Variants in ADA2 observed in about 807,000 individuals in gnomAD.
ADA2 encodes adenosine deaminase 2.
Under a neutral mutation model 44.2 loss-of-function variants are expected in ADA2, and 29 were observed. The ratio of observed to expected loss-of-function variants is 0.66; its 90% CI spans 0.49 to 0.89. The LOEUF is 0.89. ADA2 is among the 40% of genes least tolerant of loss of function. The pLI, the probability that ADA2 is intolerant of heterozygous loss-of-function variation, is 0.00. For missense variants in ADA2, 637 were observed against 644.8 expected, an observed-to-expected ratio of 0.99 and a Z score of 0.13; for synonymous variants, 215 against 234.9, an observed-to-expected ratio of 0.92 and a Z score of 0.77.
At position 17,207,058 on chromosome 22, in the gene ADA2, AACTACT is replaced by A; in HGVS notation, c.542+7_542+12del. 9 of 1,606,036 alleles carry A rather than the reference AACTACT, an allele frequency of 5.6e-6. No homozygotes were observed. Among genetic ancestry groups the A allele is most frequent in the Middle Eastern group, 3.3e-4 (2 of 6,040 alleles). On this transcript the variant is annotated splice_region_variant and intron_variant, in intron 3 of 9. Coordinates refer to ENST00000399837, the MANE Select transcript of ADA2 (RefSeq NM_001282225.2). ...ACAGGCCTGGGACATGTGCTTTCTGAACTACTACTCACCTGTCATCAAACTCAGTGA... is the reference window on the plus strand; with the variant it reads ...ACAGGCCTGGGACATGTGCTTTCTGAACTCACCTGTCATCAAACTCAGTGA...
rs11703884 is a variant in ADA2, at chr22:17,181,701, C to G, written c.1442+119G>C. On this transcript the variant is annotated intron_variant, in intron 9 of 9. Coordinates refer to ENST00000399837, the MANE Select transcript of ADA2 (RefSeq NM_001282225.2). ...CAGGCCAGCAGCAAGGACTAAACAG[C>G]CATGATGAGAAGGAACCCACAGGAA... The G allele has an allele frequency of 0.27, 294,338 of 1,072,210 alleles. 43,956 individuals are homozygous for G. The highest frequency in any genetic ancestry group is 0.31 in the Non-Finnish European group (216,705 of 696,690). The allele number at this position is 1,072,210 out of a possible 1,614,324, so 66.4% of individuals were successfully genotyped here. A position where few individuals can be genotyped will look rare whatever the true frequency, so the allele number is the denominator to read the frequency against.
chr22:17,205,024 TC>T (rs1352188882), intron 3 of ADA2, among the ~76,000 whole-genome samples: 90 of 151,526 alleles, frequency 5.9e-4, no homozygotes, highest in African/African-American at 2.1e-3. Flanking sequence ...TTTCTTTCTT[TC>T]TTTTTTTTTT....
upstream of ADA2, among the ~76,000 whole-genome samples, chr22:17,221,430 C>T (rs1405732662): frequency 3.9e-5 from 6 of 152,220 alleles, no homozygotes; most frequent in East Asian, 1.2e-3. Context: ...AATGCTATCC[C>T]TCCCCCAGCC....
At chr22:17,221,089 G>A (rs2062519441), upstream of ADA2, among the ~76,000 whole-genome samples, 1 of 151,846 alleles carries the variant, frequency 6.6e-6, no homozygotes, top group Admixed American at 6.6e-5. Flanking sequence ...GTTGCAGTGA[G>A]CTGAGATTGC....
At chr22:17,191,935 C>G in intron 4 of ADA2, 125 bp from the exon 5 acceptor site, 1 of 948,156 alleles carries the variant, frequency 1.1e-6, no homozygotes, top group Non-Finnish European at 1.5e-6. Flanking sequence ...TCCCAGCCAC[C>G]CCTTCCCAGC....
rs188648032 is a variant in ADA2, at chr22:17,210,744, C to T, written c.-46-1021G>A. 2.4e-4 allele frequency among the ~76,000 whole-genome samples: 36 copies of T among 151,836 alleles called. No homozygotes were observed. The East Asian group carries it at 5.4e-3, about 23-fold the overall frequency. On this transcript the variant is annotated intron_variant, in intron 1 of 9. Coordinates refer to ENST00000399837, the MANE Select transcript of ADA2 (RefSeq NM_001282225.2). Reference sequence around the variant, plus strand: ...TCCCAAGTGGCTGGGACTACAGGCACGCGTCACCATACCCAGCTAATTTTT... The same window carrying T: ...TCCCAAGTGGCTGGGACTACAGGCATGCGTCACCATACCCAGCTAATTTTT...
chr22:17,216,471 T>C (rs1209158155), intron 1 of ADA2, among the ~76,000 whole-genome samples: 1 of 152,000 alleles, frequency 6.6e-6, no homozygotes, highest in Non-Finnish European at 1.5e-5. Context: ...TTATGTATAT[T>C]TCAGAGTAAC....
rs534101420 is a variant in ADA2 at position 17,200,438 on chromosome 22, C to G, written c.753+3125G>C. Among the ~76,000 whole-genome samples, 5 of 152,250 alleles carry G rather than the reference C, an allele frequency of 3.3e-5. No individual in the cohort carries two copies. The South Asian group carries it at 1.0e-3, about 32-fold the overall frequency. On this transcript the variant is annotated intron_variant, in intron 4 of 9. Transcript: ENST00000399837. ...CCACTGCAAGGCAAAGTTAATGTTC[C>G]CCTCCCACTTCTCAAGAACTCAGAA...
At position 17,212,101 on chromosome 22, in the gene ADA2, C is replaced by T. The variant is rs577063808; in HGVS notation, c.-46-2378G>A. 2.0e-4 allele frequency among the ~76,000 whole-genome samples: 30 copies of T among 151,748 alleles called. No individual in the cohort carries two copies. The East Asian group carries it at 3.5e-3, about 18-fold the overall frequency. ...GTACAATGGCGCGATCTCGGCTCAC[C>T]GTAACCTCCTCCTCCCAGGTTCAAG... is the stretch of plus-strand genomic sequence containing the variant. On this transcript the variant is annotated intron_variant, in intron 1 of 9. Coordinates refer to ENST00000399837, the MANE Select transcript of ADA2 (RefSeq NM_001282225.2).
At chr22:17,215,460 G>T (rs1427968550) in intron 1 of ADA2, among the ~76,000 whole-genome samples, 3 of 152,026 alleles carry the variant, frequency 2.0e-5, no homozygotes, top group Admixed American at 6.6e-5. Context: ...ACAAAAATTA[G>T]CTGAGCGTGG....
At chr22:17,204,794 CTTTTTT>C (rs535426763) in intron 3 of ADA2, among the ~76,000 whole-genome samples, 18 of 132,944 alleles carry the variant, frequency 1.4e-4, no homozygotes, top group African/African-American at 4.8e-4. Context: ...TCAATTCCTT[CTTTTTT>C]TTTTTTTTTT....
chr22:17,189,810 G>A, intron 6 of ADA2, 132 bp downstream of exon 6: 1 of 661,252 alleles, frequency 1.5e-6, no homozygotes, highest in South Asian at 1.7e-5. Flanking sequence ...TCAGCAGCCT[G>A]AGCCTGCCCT....
chr22:17,195,563 A>T (rs2062180136), intron 4 of ADA2, among the ~76,000 whole-genome samples: 1 of 151,752 alleles, frequency 6.6e-6, no homozygotes, highest in Non-Finnish European at 1.5e-5. Flanking sequence ...AAATTTTTTT[A>T]AACTTTTATT....
At chr22:17,201,408 C>T (rs1391562321) in intron 4 of ADA2, among the ~76,000 whole-genome samples, 1 of 152,158 alleles carries the variant, frequency 6.6e-6, no homozygotes, top group Non-Finnish European at 1.5e-5. Flanking sequence ...TAAAAGCCTA[C>T]AGAATATGCT....
In ADA2 at chr22:17,217,325, G is replaced by C. The variant is rs1334408619; in HGVS notation, c.-47+2031C>G. ...TGACAGTCTTTAGATTGAGTACCTTGCACAGCACAGTCAATCATTCTGTGG... is the reference window on the plus strand; with the variant it reads ...TGACAGTCTTTAGATTGAGTACCTTCCACAGCACAGTCAATCATTCTGTGG... On this transcript the variant is annotated intron_variant, in intron 1 of 9. Coordinates refer to ENST00000399837, the MANE Select transcript of ADA2 (RefSeq NM_001282225.2). Among the ~76,000 whole-genome samples the C allele has an allele frequency of 2.6e-5, 4 of 152,124 alleles. No individual in the cohort carries two copies. In the East Asian group the frequency reaches 7.7e-4, roughly 29 times the overall value.
intron 1 of ADA2, among the ~76,000 whole-genome samples, chr22:17,215,669 T>A (rs180968117): frequency 6.0e-5 from 9 of 150,572 alleles, no homozygotes; most frequent in African/African-American, 2.0e-4. Context: ...CTAGAAGACA[T>A]AATGTTAAAT....
intron 1 of ADA2, among the ~76,000 whole-genome samples, chr22:17,215,045 G>A (rs1274256978): frequency 6.6e-6 from 1 of 152,182 alleles, no homozygotes; most frequent in East Asian, 1.9e-4. Flanking sequence ...AGTCAAATGG[G>A]AGGGCCCAGG....
chr22:17,192,908 G>A lies in ADA2; in HGVS notation c.754-1098C>T, dbSNP rs969053660. 4 of 544,392 alleles carry A rather than the reference G, an allele frequency of 7.3e-6. No individual in the cohort carries two copies. In the African/African-American group the frequency reaches 7.7e-5, roughly 10 times the overall value. 33.7% of individuals were successfully genotyped at this position (544,392 alleles called of 1,614,324 possible). A position where few individuals can be genotyped will look rare whatever the true frequency, so the allele number is the denominator to read the frequency against. ...CAGCCATCTCCTCTTTGGCATCATG[G>A]CCACCCTCAGACCCCTTGTGAAGCC... On this transcript the variant is annotated intron_variant, in intron 4 of 9. Transcript: ENST00000399837.
rs896185321 is a variant in ADA2, at chr22:17,194,029, A to AG, written c.754-2220_754-2219insC. ...TCTGTAAAAAGGAATGAAAAAAAAAAAAAAAAGAAACAATAGAATAAGTGC... is the reference window on the plus strand; with the variant it reads ...TCTGTAAAAAGGAATGAAAAAAAAAAGAAAAAAGAAACAATAGAATAAGTGC... On this transcript the variant is annotated intron_variant, in intron 4 of 9. Transcript: ENST00000399837. Among the ~76,000 whole-genome samples the AG allele has an allele frequency of 3.3e-5, 5 of 151,498 alleles. 1 individual carries two copies. The highest frequency in any genetic ancestry group is 6.6e-5 in the Admixed American group (1 of 15,204).
Sources: gnomAD v4.1 joint callset for allele counts (sites outside exome capture counted in the v4.1 genomes callset) on GRCh38, gnomAD v4.1.1 for gene constraint, MANE v1.5 for transcripts, NCBI Gene and HGNC (gene_info 2026-07-23, HGNC 2026-07-21) for gene names.